Variants in RGS7BP observed in about 807,000 individuals in gnomAD.
RGS7BP encodes regulator of G protein signaling 7 binding protein.
Under a neutral mutation model 31.3 loss-of-function variants are expected in RGS7BP, and 9 were observed. The ratio of observed to expected loss-of-function variants is 0.29; its 90% confidence interval spans 0.17 to 0.50. RGS7BP has a LOEUF of 0.50. Among genes scored for constraint, RGS7BP ranks in the 20% least tolerant of loss-of-function variants. RGS7BP has a pLI of 0.98. For synonymous variants in RGS7BP, 115 were observed against 120.1 expected (o/e 0.96, Z 0.28); for missense variants, 274 against 322.0 (o/e 0.85, Z 1.14).
At chr5:64,509,627 C>T (rs867046245) in intron 2 of RGS7BP, among the ~76,000 whole-genome samples, 30 of 152,018 alleles carry the variant, frequency 2.0e-4, no homozygotes, top group African/African-American at 6.5e-4. Context: ...CTCAAGTAAT[C>T]CTCCCGCCTC....
At chr5:64,606,957 T>A (rs1743381123) in intron 5 of RGS7BP, among the ~76,000 whole-genome samples, 1 of 151,874 alleles carries the variant, frequency 6.6e-6, no homozygotes, top group Non-Finnish European at 1.5e-5. Flanking sequence ...TAAGAAAGGA[T>A]TTTAATCTCT....
In RGS7BP at chr5:64,506,888, C is replaced by A. The variant is rs150368336; in HGVS notation, c.165+99C>A. On this transcript the variant is annotated intron_variant, in intron 1 of 5. Transcript: ENST00000334025. This position sits in a 1 kb window ranked among gnomAD's most constrained non-coding sequence, Gnocchi z 4.6. The stretch of plus-strand genomic sequence containing the variant: ...TTTGCCTGAGTGCCAGCCACTCCCC[C>A]ACCCTCAGCTCCTCAATGCCGATCA... 1.7e-6 allele frequency: 2 copies of A among 1,145,132 alleles called. No individual in the cohort carries two copies. Among genetic ancestry groups the A allele is most frequent in the East Asian group, 4.9e-5 (2 of 40,966 alleles). 70.9% of individuals were successfully genotyped at this position (1,145,132 alleles called of 1,614,324 possible).
intron 3 of RGS7BP, among the ~76,000 whole-genome samples, chr5:64,581,523 G>A (rs1742597073): frequency 6.6e-6 from 1 of 152,180 alleles, no homozygotes; most frequent in Non-Finnish European, 1.5e-5. Flanking sequence ...TTGTACTCTT[G>A]TATTGAGTAG....
chr5:64,565,516 TAA>T (rs199800155), intron 2 of RGS7BP, among the ~76,000 whole-genome samples: 1 of 151,790 alleles, frequency 6.6e-6, no homozygotes, highest in Non-Finnish European at 1.5e-5. Flanking sequence ...TAGTTTTTTT[TAA>T]AAAAAAGAAG....
At chr5:64,553,171 C>CTTTTTTT (rs542252038) in intron 2 of RGS7BP, among the ~76,000 whole-genome samples, 8 of 118,234 alleles carry the variant, frequency 6.8e-5, no homozygotes, top group African/African-American at 9.6e-5. Flanking sequence ...TTCTTTCTTT[C>CTTTTTTT]TTTTTTTTTT....
At chr5:64,531,966 T>G (rs1305651526) in intron 2 of RGS7BP, among the ~76,000 whole-genome samples, 1 of 152,232 alleles carries the variant, frequency 6.6e-6, no homozygotes, top group East Asian at 1.9e-4. Context: ...CCTGCTAGTT[T>G]TTTTTTCCCC....
chr5:64,575,043 TA>T (rs1212547403), intron 2 of RGS7BP, among the ~76,000 whole-genome samples: 1 of 152,142 alleles, frequency 6.6e-6, no homozygotes, highest in Non-Finnish European at 1.5e-5. Flanking sequence ...TTTTTCCCCT[TA>T]ATCAAAAACA....
At chr5:64,514,387 C>A (rs927372006) in intron 2 of RGS7BP, among the ~76,000 whole-genome samples, 4 of 152,156 alleles carry the variant, frequency 2.6e-5, no homozygotes, top group African/African-American at 9.7e-5. Context: ...CTATCTGCAG[C>A]TAAATACACA....
intron 2 of RGS7BP, 147 bp downstream of exon 2, chr5:64,508,024 A>C: frequency 1.7e-6 from 1 of 603,940 alleles, no homozygotes; most frequent in Non-Finnish European, 2.8e-6. Context: ...CTATACACAA[A>C]CTATAGGCCA....
At chr5:64,522,951 C>T (rs545647777) in intron 2 of RGS7BP, among the ~76,000 whole-genome samples, 14 of 152,098 alleles carry the variant, frequency 9.2e-5, no homozygotes, top group Non-Finnish European at 1.9e-4. Context: ...GAGGGAAATT[C>T]TGTGGGATGT....
At chr5:64,512,349 G>A (rs1162481072) in intron 2 of RGS7BP, among the ~76,000 whole-genome samples, 1 of 152,208 alleles carries the variant, frequency 6.6e-6, no homozygotes, top group Non-Finnish European at 1.5e-5. Flanking sequence ...GGACATGGGT[G>A]AATTTGTATG....
chr5:64,606,768 T>A (rs1345070027), intron 5 of RGS7BP, among the ~76,000 whole-genome samples: 1 of 152,254 alleles, frequency 6.6e-6, no homozygotes, highest in African/African-American at 2.4e-5. Flanking sequence ...CTGAGGCTAA[T>A]GTTTAGTATC....
intron 2 of RGS7BP, among the ~76,000 whole-genome samples, chr5:64,527,629 AAAAAAAAAAAAAAGAG>A (rs1749264877): frequency 1.1e-5 from 1 of 93,242 alleles, no homozygotes; most frequent in South Asian, 4.0e-4. Context: ...AAAAAAAAAA[AAAAAAAAAAAAAAGAG>A]GAATGTTCTA....
chr5:64,563,760 C>T (rs886947966), intron 2 of RGS7BP, among the ~76,000 whole-genome samples: 17 of 152,234 alleles, frequency 1.1e-4, no homozygotes, highest in African/African-American at 3.1e-4. Context: ...ATACACAATA[C>T]GATTACTTTC....
At chr5:64,543,299 A>C (rs1437252254) in intron 2 of RGS7BP, among the ~76,000 whole-genome samples, 1 of 152,266 alleles carries the variant, frequency 6.6e-6, no homozygotes, top group Non-Finnish European at 1.5e-5. Context: ...TCTAAAGTAG[A>C]CAAGATTCTT....
intron 3 of RGS7BP, among the ~76,000 whole-genome samples, chr5:64,586,396 GT>G (rs879911469): frequency 2.0e-5 from 3 of 152,132 alleles, no homozygotes; most frequent in Non-Finnish European, 2.9e-5. Flanking sequence ...GTTCCTTCCA[GT>G]TTTTTCCTCT....
chr5:64,579,119 A>G (rs1742515313), intron 3 of RGS7BP, among the ~76,000 whole-genome samples: 1 of 152,224 alleles, frequency 6.6e-6, no homozygotes, highest in Non-Finnish European at 1.5e-5. Context: ...TCCAAGAACT[A>G]GCTGTCCTAT....
At chr5:64,583,427 G>A (rs770461035) in intron 3 of RGS7BP, among the ~76,000 whole-genome samples, 1 of 152,020 alleles carries the variant, frequency 6.6e-6, no homozygotes, top group Admixed American at 6.6e-5. Flanking sequence ...TCTGTTTCTT[G>A]TGAAATATAT....
In RGS7BP at chr5:64,611,991, G is replaced by C. The variant is rs115163725; in HGVS notation, c.*2739G>C. 0.011 allele frequency: 1,670 copies of C among 152,174 alleles called. 13 individuals are homozygous for C. Among genetic ancestry groups the C allele is most frequent in the Non-Finnish European group, 0.017 (1,140 of 67,858 alleles). 9.4% of individuals were successfully genotyped at this position (152,174 alleles called of 1,614,324 possible). A position where few individuals can be genotyped will look rare whatever the true frequency, so the allele number is the denominator to read the frequency against. ...AAGAGAACATTGAACTCATTTTGTC[G>C]CATGTACCCACAGGCTTGAAACAGA... is the stretch of plus-strand genomic sequence containing the variant. On this transcript the variant is annotated 3_prime_UTR_variant, in exon 6 of 6. Transcript: ENST00000334025.
Sources: gnomAD v4.1 joint callset for allele counts (sites outside exome capture counted in the v4.1 genomes callset) on GRCh38, gnomAD v4.1.1 for gene constraint, Gnocchi (gnomAD v3.1) non-coding constraint, MANE v1.5 for transcripts, NCBI Gene and HGNC (gene_info 2026-07-23, HGNC 2026-07-21) for gene names.